The following PCDH15 variants were observed in gnomAD, a reference collection of about 807,000 sequenced individuals.
PCDH15 encodes protocadherin-15.
A neutral mutation model predicts 178.5 loss-of-function variants in PCDH15; 129 were observed. The observed-to-expected ratio is 0.72, with a 90% CI of 0.63 to 0.84. The LOEUF (loss-of-function observed/expected upper bound fraction) is 0.84. Ranked by LOEUF, PCDH15 falls within the 40% of genes least tolerant of loss-of-function variation. PCDH15 has a pLI of 0.00. For synonymous variants in PCDH15, 800 were observed against 732.0 expected, an observed-to-expected ratio of 1.09 and a Z score of -1.50; for missense variants, 2,230 against 2,099.9, an observed-to-expected ratio of 1.06 and a Z score of -1.21.
chr10:55,123,230 T>A (rs886525082), intron 2 of PCDH15, among the ~76,000 whole-genome samples: 3 of 152,054 alleles, frequency 2.0e-5, no homozygotes, highest in African/African-American at 7.2e-5. Context: ...TATAGTAATT[T>A]TTAAAATAAA....
chr10:54,769,548 T>C (rs1443912839), intron 1 of PCDH15, among the ~76,000 whole-genome samples: 1 of 151,624 alleles, frequency 6.6e-6, no homozygotes, highest in East Asian at 1.9e-4. Flanking sequence ...TTCTTATGGG[T>C]GGGATGCTAG....
chr10:54,592,124 T>C (rs894509856), intron 2 of PCDH15, among the ~76,000 whole-genome samples: 2 of 152,148 alleles, frequency 1.3e-5, no homozygotes, highest in African/African-American at 4.8e-5. Context: ...TGCATGGGTA[T>C]TTTCTTCTGT....
intron 1 of PCDH15, among the ~76,000 whole-genome samples, chr10:54,676,151 A>G (rs67529900): frequency 0.071 from 10,734 of 152,044 alleles, 502 homozygotes; most frequent in Admixed American, 0.097. Context: ...TTATTATAAA[A>G]TAATATTTTA....
Position 54,549,353 on chromosome 10 carries a change from T to C in PCDH15, c.92-21476A>G, listed in dbSNP as rs1041380656. 2.0e-5 allele frequency among the ~76,000 whole-genome samples: 3 copies of C among 151,986 alleles called. No homozygotes were observed. The East Asian group carries it at 5.8e-4, about 29-fold the overall frequency. On this transcript the variant is annotated intron_variant, in intron 2 of 37. Transcript: ENST00000644397. ...TTTTAGAATCACATTTCAAAAATGT[T>C]GAAAATTTATATTAGTGGTAATTTA...
chr10:55,468,132 G>C (rs1253260537), intron 2 of PCDH15, among the ~76,000 whole-genome samples: 2 of 152,148 alleles, frequency 1.3e-5, no homozygotes, highest in Admixed American at 6.5e-5. Flanking sequence ...TTTCTCAAGA[G>C]CAGGGGGGAA....
At chr10:54,514,667 C>CAAA (rs5785078) in intron 3 of PCDH15, among the ~76,000 whole-genome samples, 3 of 124,382 alleles carry the variant, frequency 2.4e-5, no homozygotes, top group Admixed American at 7.7e-5. Context: ...AAATAGACTT[C>CAAA]AAAAAAAAAA....
chr10:55,082,236 G>A (rs544956564), intron 2 of PCDH15, among the ~76,000 whole-genome samples: 2 of 151,900 alleles, frequency 1.3e-5, no homozygotes, highest in Non-Finnish European at 2.9e-5. Flanking sequence ...TGACAACAGT[G>A]GAATAAAGCT....
At chr10:54,108,022 T>C (rs1178609133) in intron 15 of PCDH15, among the ~76,000 whole-genome samples, 1 of 151,788 alleles carries the variant, frequency 6.6e-6, no homozygotes, top group African/African-American at 2.4e-5. Context: ...AGTTAGGGAA[T>C]AATGAGGGTA....
At chr10:54,796,738 A>T (rs1011733862) in intron 1 of PCDH15, among the ~76,000 whole-genome samples, 2 of 150,814 alleles carry the variant, frequency 1.3e-5, no homozygotes, top group Admixed American at 6.6e-5. Context: ...TCTCTCTTTG[A>T]GTTTGTATCT....
At chr10:55,287,605 ATGC>A (rs1475271343) in intron 1 of PCDH15, among the ~76,000 whole-genome samples, 79 of 152,158 alleles carry the variant, frequency 5.2e-4, no homozygotes, top group African/African-American at 1.9e-3. Context: ...ACTATGCTAG[ATGC>A]TGCTCTCTCT....
rs2132636936 is a variant in PCDH15 at position 53,831,497 on chromosome 10, G to A, written c.4020C>T (p.Asp1340=). 2.5e-6 allele frequency: 4 copies of A among 1,614,086 alleles called. No individual in the cohort carries two copies. The highest frequency in any genetic ancestry group is 3.4e-6 in the Non-Finnish European group (4 of 1,180,000). Residue 1340 remains aspartate (D), a synonymous_variant, in exon 30 of 38, where the codon GAC becomes GAT. Coordinates refer to ENST00000644397, the MANE Select transcript of PCDH15 (RefSeq NM_001384140.1). ...LDGKLLDINK[D]FQPYYGEGGR... ...CTCCTTCCCCATAATACGGCTGAAAGTCTTTATTGATATCAAGTAGTTTGC... is the reference window on the plus strand; with the variant it reads ...CTCCTTCCCCATAATACGGCTGAAAATCTTTATTGATATCAAGTAGTTTGC...
intron 13 of PCDH15, among the ~76,000 whole-genome samples, chr10:54,178,701 C>A (rs2047680160): frequency 6.8e-6 from 1 of 146,858 alleles, no homozygotes; most frequent in Admixed American, 6.8e-5. Flanking sequence ...CCAGAATCTA[C>A]AATGAACTCA....
chr10:54,062,255 A>AAAAAAAAAAAAAAAAAAAG (rs2094042442), intron 18 of PCDH15, among the ~76,000 whole-genome samples: 2 of 111,322 alleles, frequency 1.8e-5, no homozygotes, highest in African/African-American at 3.0e-5. Context: ...AAAAAAAACA[A>AAAAAAAAAAAAAAAAAAAG]AAAACAACTA....
intron 2 of PCDH15, among the ~76,000 whole-genome samples, chr10:54,989,122 C>A (rs1199956639): frequency 6.6e-6 from 1 of 152,154 alleles, no homozygotes; most frequent in Non-Finnish European, 1.5e-5. Flanking sequence ...GGTGTTGTGC[C>A]TTCAAGTGCG....
At chr10:54,394,062 T>C (rs36044825) in intron 3 of PCDH15, among the ~76,000 whole-genome samples, 7,569 of 151,806 alleles carry the variant, frequency 0.05, 222 homozygotes, top group Admixed American at 0.097. Context: ...GAAAGAGAGA[T>C]GAAGAAAGAA....
At chr10:55,148,829 CA>C (rs2132098373) in intron 2 of PCDH15, among the ~76,000 whole-genome samples, 1 of 148,326 alleles carries the variant, frequency 6.7e-6, no homozygotes, top group East Asian at 1.9e-4. Context: ...TCTATTTCAA[CA>C]AAATTATATA....
chr10:54,497,691 T>A (rs559417759), intron 3 of PCDH15, among the ~76,000 whole-genome samples: 11 of 152,184 alleles, frequency 7.2e-5, no homozygotes, highest in Middle Eastern at 3.4e-3. Flanking sequence ...TGGACCAAGC[T>A]GAGGAAAGAA....
intron 2 of PCDH15, among the ~76,000 whole-genome samples, chr10:55,388,744 C>G (rs968541014): frequency 1.3e-5 from 2 of 152,058 alleles, no homozygotes; most frequent in Admixed American, 1.3e-4. Flanking sequence ...TCCACATATA[C>G]TGTGGTGCAC....
chr10:54,639,246 T>A (rs956797302), intron 2 of PCDH15, among the ~76,000 whole-genome samples: 3 of 152,174 alleles, frequency 2.0e-5, no homozygotes, highest in African/African-American at 7.2e-5. Flanking sequence ...AAGTTAATAT[T>A]ATTTTCAACT....
Sources: gnomAD v4.1 joint callset for allele counts (sites outside exome capture counted in the v4.1 genomes callset) on GRCh38, gnomAD v4.1.1 for gene constraint, MANE v1.5 for transcripts, NCBI Gene and HGNC (gene_info 2026-07-23, HGNC 2026-07-21) for gene names.